Variants in SLC39A12 observed in about 807,000 individuals in gnomAD.
SLC39A12 encodes the protein solute carrier family 39 member 12, also known as zinc transporter ZIP12.
SLC39A12 carries 63 observed loss-of-function variants against 71.1 expected under a neutral mutation model. That is an observed-to-expected ratio of 0.89 (90% CI 0.72 to 1.09). The LOEUF (loss-of-function observed/expected upper bound fraction) is 1.09, where lower values mean the gene tolerates loss of function less well. Among genes scored for constraint, SLC39A12 ranks in the 50% least tolerant of loss-of-function variants. The pLI is 0.00. For missense variants in SLC39A12, 892 were observed against 812.6 expected (o/e 1.10, Z -1.19); for synonymous variants, 351 against 301.3 (o/e 1.16, Z -1.71).
chr10:18,001,176 T>C (rs1835823909), intron 11 of SLC39A12, among the ~76,000 whole-genome samples: 1 of 152,156 alleles, frequency 6.6e-6, no homozygotes. Context: ...GAGGGGAACT[T>C]TATCCATCAT....
At chr10:18,010,813 C>CA (rs763480256) in intron 12 of SLC39A12, among the ~76,000 whole-genome samples, 14 of 152,294 alleles carry the variant, frequency 9.2e-5, no homozygotes, top group Non-Finnish European at 1.6e-4. Context: ...GTTTGAACTG[C>CA]ATGGGTTCAC....
chr10:17,966,130 A>C (rs1250182859), intron 4 of SLC39A12, among the ~76,000 whole-genome samples: 2 of 152,250 alleles, frequency 1.3e-5, no homozygotes, highest in Non-Finnish European at 2.9e-5. Context: ...AATGTGAAAT[A>C]GCCATCCTTG....
chr10:17,952,909 G>C (rs1834440947), intron 1 of SLC39A12, among the ~76,000 whole-genome samples: 2 of 152,184 alleles, frequency 1.3e-5, no homozygotes, highest in Non-Finnish European at 2.9e-5. Context: ...TTCCCAACCT[G>C]GGTCCTATAA....
At chr10:17,985,016 C>T (rs1216428403) in intron 6 of SLC39A12, among the ~76,000 whole-genome samples, 1 of 152,156 alleles carries the variant, frequency 6.6e-6, no homozygotes, top group Non-Finnish European at 1.5e-5. Context: ...CTCTTAATAT[C>T]ACAAGCCTAT....
intron 8 of SLC39A12, 39 bp downstream of exon 8, chr10:17,991,342 CTTATAAT>C: frequency 6.8e-7 from 1 of 1,480,722 alleles, no homozygotes; most frequent in African/African-American, 1.4e-5. Flanking sequence ...GCTTTAAAGT[CTTATAAT>C]ACATTCATCT....
chr10:17,987,446 CACTG>C (rs1166143744), intron 6 of SLC39A12, 29 bp from the exon 7 acceptor site: 1 of 1,608,708 alleles, frequency 6.2e-7, no homozygotes, highest in South Asian at 1.1e-5. Context: ...GGGCACTGGG[CACTG>C]ACTGTGTTTA....
Position 17,961,739 on chromosome 10 carries a change from TA to T in SLC39A12, c.423del (p.Lys141AsnfsTer8), listed in dbSNP as rs1215169065. The T allele has an allele frequency of 6.2e-7, 1 of 1,613,988 alleles. No homozygotes were observed. The highest frequency in any genetic ancestry group is 8.5e-7 in the Non-Finnish European group (1 of 1,179,992). ...SKLNMSNKEY[K>X]FYLHSLLSLR... ...AGCTCAACATGAGTAATAAAGAGTATAAATTTTACCTACACAGCCTACTGAG... is the reference window on the plus strand; with the variant it reads ...AGCTCAACATGAGTAATAAAGAGTATAATTTTACCTACACAGCCTACTGAG... On this transcript the variant is annotated frameshift_variant, in exon 3 of 13. Transcript: ENST00000377369. LOFTEE classifies it high-confidence loss of function.
At chr10:17,985,890 C>A (rs1329912745) in intron 6 of SLC39A12, among the ~76,000 whole-genome samples, 1 of 152,058 alleles carries the variant, frequency 6.6e-6, no homozygotes, top group Non-Finnish European at 1.5e-5. Context: ...TTATAAAAGT[C>A]ATTGCAATCA....
chr10:17,966,550 G>T (rs565461375), intron 4 of SLC39A12, among the ~76,000 whole-genome samples: 2 of 152,012 alleles, frequency 1.3e-5, no homozygotes, highest in Non-Finnish European at 2.9e-5. Context: ...GGCCTCAAGT[G>T]ATCGCCTGCC....
intron 12 of SLC39A12, among the ~76,000 whole-genome samples, chr10:18,033,872 A>G (rs1034364006): frequency 6.6e-6 from 1 of 152,084 alleles, no homozygotes; most frequent in African/African-American, 2.4e-5. Context: ...ATTGGTTTCA[A>G]AGAACATCTT....
At chr10:17,953,893 A>G (rs901669505) in intron 2 of SLC39A12, among the ~76,000 whole-genome samples, 5 of 152,166 alleles carry the variant, frequency 3.3e-5, no homozygotes, top group Admixed American at 6.5e-5. Flanking sequence ...TTTAGTTGCT[A>G]TTTGTTTGCT....
Position 18,028,594 on chromosome 10 carries a change from TG to T in SLC39A12, c.1948-14110del, listed in dbSNP as rs1564662308. 2.6e-3 allele frequency among the ~76,000 whole-genome samples: 403 copies of T among 152,350 alleles called. 1 individual carries two copies. Among genetic ancestry groups the T allele is most frequent in the African/African-American group, 9.2e-3 (384 of 41,588 alleles). On this transcript the variant is annotated intron_variant, in intron 12 of 12. Coordinates refer to ENST00000377369, the MANE Select transcript of SLC39A12 (RefSeq NM_001145195.2). ...TATACAGTTATCACATAGGACCAGA[TG>T]CTGGTATTTGTCTACTTTCTTTCCT...
At chr10:17,985,096 C>T (rs976981517) in intron 6 of SLC39A12, among the ~76,000 whole-genome samples, 4 of 152,144 alleles carry the variant, frequency 2.6e-5, no homozygotes, top group Non-Finnish European at 4.4e-5. Flanking sequence ...GTAATTTCAG[C>T]TCTTTGGGAG....
intron 2 of SLC39A12, among the ~76,000 whole-genome samples, chr10:17,957,844 C>A (rs115613526): frequency 6.6e-6 from 1 of 152,054 alleles, no homozygotes; most frequent in Non-Finnish European, 1.5e-5. Context: ...AAATTCTTTA[C>A]GATTCAAATA....
chr10:18,003,899 T>C (rs1202353313), intron 12 of SLC39A12, among the ~76,000 whole-genome samples: 1 of 152,264 alleles, frequency 6.6e-6, no homozygotes. Context: ...AAATAATGAT[T>C]ACGTCTTTGA....
chr10:17,966,093 G>T (rs1834819197), intron 4 of SLC39A12, among the ~76,000 whole-genome samples: 1 of 152,212 alleles, frequency 6.6e-6, no homozygotes, highest in Non-Finnish European at 1.5e-5. Flanking sequence ...TTGCAATCAT[G>T]AAAGCCATTT....
chr10:18,010,573 C>G (rs1337162744), intron 12 of SLC39A12: 1 of 152,152 alleles, frequency 6.6e-6, no homozygotes, highest in Non-Finnish European at 1.5e-5. Flanking sequence ...AAAAATCAGT[C>G]AAACCCCACA....
In SLC39A12 at chr10:18,003,164, A is replaced by G. The variant is rs1269345266; in HGVS notation, c.1760-7A>G. Reference sequence around the variant, plus strand: ...TAATTATATTTTCCTTTCCTCTTAAACTTCAGGAGACTTTGCCGTGCTCTT... The same window carrying G: ...TAATTATATTTTCCTTTCCTCTTAAGCTTCAGGAGACTTTGCCGTGCTCTT... On this transcript the variant is annotated splice_region_variant and splice_polypyrimidine_tract_variant and intron_variant, in intron 11 of 12. Transcript: ENST00000377369. 1 of 1,606,534 alleles carries G rather than the reference A, an allele frequency of 6.2e-7. No individual in the cohort carries two copies. Among genetic ancestry groups the G allele is most frequent in the African/African-American group, 1.3e-5 (1 of 74,430 alleles).
chr10:17,970,856 C>T (rs986299384), intron 4 of SLC39A12, among the ~76,000 whole-genome samples: 1 of 152,010 alleles, frequency 6.6e-6, no homozygotes, highest in Non-Finnish European at 1.5e-5. Context: ...ACAGTGGTGA[C>T]AATGGGCATC....
Sources: allele counts gnomAD v4.1 joint callset (sites outside exome capture counted in the v4.1 genomes callset), GRCh38; gene constraint gnomAD v4.1.1; transcripts MANE v1.5; gene names NCBI Gene and HGNC (gene_info 2026-07-23, HGNC 2026-07-21).